Variants in ADGRL2 observed in about 807,000 individuals in gnomAD.
The protein encoded by ADGRL2 is calcium-independent alpha-latrotoxin receptor 2.
A neutral mutation model predicts 157.4 loss-of-function variants in ADGRL2; 44 were observed. That is an observed-to-expected ratio of 0.28 (90% CI 0.22 to 0.36). ADGRL2 has a LOEUF of 0.36. Ranked by LOEUF, ADGRL2 falls within the 10% of genes least tolerant of loss-of-function variation. The pLI, the probability that ADGRL2 is intolerant of heterozygous loss-of-function variation, is 1.00. For missense variants in ADGRL2, 1,510 were observed against 1,768.9 expected (o/e 0.85, Z 2.63); for synonymous variants, 585 against 624.7 (o/e 0.94, Z 0.95).
intron 1 of ADGRL2, among the ~76,000 whole-genome samples, chr1:81,320,792 G>A (rs562326794): frequency 5.3e-5 from 8 of 152,182 alleles, no homozygotes; most frequent in East Asian, 1.9e-4. Context: ...CATAATTCTC[G>A]AGTAGATTTA....
intron 2 of ADGRL2, among the ~76,000 whole-genome samples, chr1:81,551,370 T>C (rs919957156): frequency 6.6e-6 from 1 of 152,130 alleles, no homozygotes; most frequent in Non-Finnish European, 1.5e-5. Context: ...AGTCCCCAAG[T>C]GTAAGGATTT....
At chr1:81,390,024 G>A (rs2076505260) in intron 1 of ADGRL2, among the ~76,000 whole-genome samples, 1 of 151,974 alleles carries the variant, frequency 6.6e-6, no homozygotes, top group South Asian at 2.1e-4. Flanking sequence ...GGTCTTAAAT[G>A]TTCTATGGAT....
chr1:81,422,448 T>C (rs1037817710), intron 1 of ADGRL2, among the ~76,000 whole-genome samples: 10 of 152,204 alleles, frequency 6.6e-5, no homozygotes, highest in African/African-American at 2.4e-4. Flanking sequence ...TTTCACCATG[T>C]TGGGCAGGCT....
At chr1:81,620,655 T>C (rs777183372) in intron 3 of ADGRL2, among the ~76,000 whole-genome samples, 2 of 152,218 alleles carry the variant, frequency 1.3e-5, no homozygotes, top group Non-Finnish European at 2.9e-5. Flanking sequence ...ATAACTGTGA[T>C]ATACCCAACA....
At chr1:81,668,762 G>T (rs1257826553) in intron 3 of ADGRL2, among the ~76,000 whole-genome samples, 2 of 151,768 alleles carry the variant, frequency 1.3e-5, no homozygotes, top group African/African-American at 4.8e-5. Context: ...TAGAGACTGG[G>T]TTTCACCATG....
At chr1:81,308,402 T>C (rs1273670163) in intron 1 of ADGRL2, among the ~76,000 whole-genome samples, 1 of 152,150 alleles carries the variant, frequency 6.6e-6, no homozygotes, top group Non-Finnish European at 1.5e-5. Context: ...AACAGCACCC[T>C]ACACAGGAAA....
intron 2 of ADGRL2, among the ~76,000 whole-genome samples, chr1:81,888,600 G>A (rs546065055): frequency 2.6e-5 from 4 of 152,062 alleles, no homozygotes; most frequent in East Asian, 1.9e-4. Context: ...CACCGCGCCC[G>A]GCTAATTTTG....
chr1:81,796,065 A>G (rs953113782), upstream of ADGRL2, among the ~76,000 whole-genome samples: 5 of 152,252 alleles, frequency 3.3e-5, no homozygotes, highest in African/African-American at 1.2e-4. Flanking sequence ...ATCTCGGCTC[A>G]CTGCAACCTC....
chr1:81,722,291 T>A, intron 1 of ADGRL2: 1 of 446,462 alleles, frequency 2.2e-6, no homozygotes, highest in Non-Finnish European at 4.1e-6. Flanking sequence ...AGACTCCGTC[T>A]AAAAAAAAAA....
At chr1:81,857,714 A>T (rs1409071885) in intron 2 of ADGRL2, among the ~76,000 whole-genome samples, 1 of 152,194 alleles carries the variant, frequency 6.6e-6, no homozygotes. Context: ...TTGTGATTTG[A>T]ATATAACACT....
chr1:81,544,530 T>C (rs549039593), intron 2 of ADGRL2, among the ~76,000 whole-genome samples: 4 of 152,326 alleles, frequency 2.6e-5, no homozygotes, highest in African/African-American at 9.6e-5. Context: ...AAGCCTAATG[T>C]CATCTGTGAC....
intron 2 of ADGRL2, among the ~76,000 whole-genome samples, chr1:81,531,151 A>G (rs1004288627): frequency 1.1e-4 from 17 of 152,180 alleles, no homozygotes; most frequent in African/African-American, 3.9e-4. Flanking sequence ...GGTATGCAAT[A>G]AATAGTTGTT....
At chr1:81,843,333 A>G (rs1016504906) in intron 2 of ADGRL2, among the ~76,000 whole-genome samples, 3 of 152,022 alleles carry the variant, frequency 2.0e-5, no homozygotes, top group Non-Finnish European at 4.4e-5. Context: ...GGGTTTCACC[A>G]TATTGGTCAG....
intron 2 of ADGRL2, among the ~76,000 whole-genome samples, chr1:81,792,822 AG>A (rs1398312768): frequency 5.3e-5 from 8 of 152,140 alleles, no homozygotes; most frequent in Admixed American, 3.3e-4. Context: ...AATTCACCAA[AG>A]GAGAAAGTTT....
intron 1 of ADGRL2, among the ~76,000 whole-genome samples, chr1:81,412,638 T>TTTAG (rs1274980143): frequency 1.6e-4 from 24 of 152,334 alleles, no homozygotes; most frequent in African/African-American, 5.8e-4. Context: ...TTACTTGTTA[T>TTTAG]GTAGCAGCCA....
At chr1:81,512,089 T>G (rs1344890496) in intron 2 of ADGRL2, among the ~76,000 whole-genome samples, 1 of 152,144 alleles carries the variant, frequency 6.6e-6, no homozygotes, top group Admixed American at 6.5e-5. Context: ...ACGTCTACAT[T>G]TTAATATGTG....
intron 1 of ADGRL2, among the ~76,000 whole-genome samples, chr1:81,325,772 A>G (rs1259791195): frequency 6.6e-6 from 1 of 152,174 alleles, no homozygotes; most frequent in Non-Finnish European, 1.5e-5. Flanking sequence ...CAGACAATCA[A>G]TACCCACAGA....
intron 2 of ADGRL2, among the ~76,000 whole-genome samples, chr1:81,517,512 C>T (rs959591329): frequency 1.3e-5 from 2 of 149,270 alleles, no homozygotes; most frequent in African/African-American, 5.0e-5. Flanking sequence ...CACGATCCTT[C>T]GGATTAATGT....
intron 1 of ADGRL2, among the ~76,000 whole-genome samples, chr1:81,384,161 C>A (rs112156790): frequency 1.1e-4 from 16 of 152,136 alleles, no homozygotes; most frequent in African/African-American, 3.6e-4. Flanking sequence ...AATTGGAAAC[C>A]ATCTAAATAC....
Sources: gnomAD v4.1 joint callset for allele counts (sites outside exome capture counted in the v4.1 genomes callset) on GRCh38, gnomAD v4.1.1 for gene constraint, MANE v1.5 for transcripts, NCBI Gene and HGNC (gene_info 2026-07-23, HGNC 2026-07-21) for gene names.